Variants in TENM3 observed in about 807,000 individuals in gnomAD.
TENM3 encodes the protein teneurin transmembrane protein 3.
A neutral mutation model predicts 255.1 loss-of-function variants in TENM3; 63 were observed. The observed-to-expected ratio is 0.25, with a 90% CI of 0.20 to 0.30. The LOEUF is 0.30. Among genes scored for constraint, TENM3 ranks in the 10% least tolerant of loss-of-function variants. TENM3 has a pLI of 1.00. For missense variants in TENM3, 2,929 were observed against 3,461.1 expected (o/e 0.85, Z 3.86); for synonymous variants, 1,306 against 1,322.3 (o/e 0.99, Z 0.27).
intron 3 of TENM3, among the ~76,000 whole-genome samples, chr4:182,526,083 C>A (rs1739136078): frequency 6.6e-6 from 1 of 152,092 alleles, no homozygotes; most frequent in East Asian, 1.9e-4. Context: ...AGGTTCACGC[C>A]GTTCTCCTGC....
At chr4:181,821,518 C>G in the TENM3 span, 2 of 152,140 alleles carry the variant, frequency 1.3e-5, no homozygotes, top group African/African-American at 4.8e-5. Context: ...ATTTATAAGT[C>G]GAATGAATAC....
the TENM3 span, among the ~76,000 whole-genome samples, chr4:181,648,970 CCTT>C: frequency 6.6e-6 from 1 of 152,176 alleles, no homozygotes; most frequent in Non-Finnish European, 1.5e-5. Context: ...AATATGTCCT[CCTT>C]CATTTGTCAG....
At chr4:182,368,989 C>A (rs1382246333) in intron 3 of TENM3, among the ~76,000 whole-genome samples, 1 of 152,198 alleles carries the variant, frequency 6.6e-6, no homozygotes, top group African/African-American at 2.4e-5. Flanking sequence ...ATCGTTCCCT[C>A]ATGAAACACT....
the TENM3 span, among the ~76,000 whole-genome samples, chr4:182,066,760 A>C: frequency 6.6e-6 from 1 of 151,850 alleles, no homozygotes; most frequent in South Asian, 2.1e-4. Flanking sequence ...AATACAAAAA[A>C]ATTAGCCGGG....
chr4:182,598,043 G>T (rs1344216912), intron 3 of TENM3, among the ~76,000 whole-genome samples: 3 of 152,148 alleles, frequency 2.0e-5, no homozygotes, highest in Non-Finnish European at 2.9e-5. Flanking sequence ...AGCCAGTGAG[G>T]TGGCTCATGC....
At chr4:181,927,941 T>C in the TENM3 span, among the ~76,000 whole-genome samples, 1 of 152,130 alleles carries the variant, frequency 6.6e-6, no homozygotes, top group Non-Finnish European at 1.5e-5. Context: ...AGAGGCCTGA[T>C]TGTTACAAGG....
chr4:182,237,394 C>T (rs1454546124), intron 1 of TENM3, among the ~76,000 whole-genome samples: 1 of 112,116 alleles, frequency 8.9e-6, no homozygotes, highest in Non-Finnish European at 1.8e-5. Context: ...GAAACGGAGT[C>T]TCACTCTGTC....
At chr4:182,598,207 A>T (rs981698000) in intron 3 of TENM3, among the ~76,000 whole-genome samples, 8 of 152,198 alleles carry the variant, frequency 5.3e-5, no homozygotes, top group Admixed American at 1.3e-4. Flanking sequence ...AATTTTTTTT[A>T]AATTTCCGGC....
chr4:181,801,117 G>C, the TENM3 span, among the ~76,000 whole-genome samples: 2 of 152,150 alleles, frequency 1.3e-5, no homozygotes, highest in African/African-American at 4.8e-5. Context: ...CAATTATCAT[G>C]GTAGACAGGC....
the TENM3 span, among the ~76,000 whole-genome samples, chr4:181,625,501 T>C: frequency 7.3e-4 from 111 of 152,234 alleles, no homozygotes; most frequent in Non-Finnish European, 1.2e-3. Flanking sequence ...CAGTCTCTGA[T>C]TGTTTTCCTT....
At chr4:181,461,798 C>A in the TENM3 span, among the ~76,000 whole-genome samples, 1 of 152,112 alleles carries the variant, frequency 6.6e-6, no homozygotes, top group African/African-American at 2.4e-5. Context: ...TTTATAATAG[C>A]TGTTTTAATG....
At chr4:181,542,910 G>T in the TENM3 span, among the ~76,000 whole-genome samples, 18 of 152,122 alleles carry the variant, frequency 1.2e-4, no homozygotes, top group Non-Finnish European at 1.6e-4. Context: ...GCCCATCAAG[G>T]GTTCCCCCAT....
intron 24 of TENM3, among the ~76,000 whole-genome samples, chr4:182,776,150 C>T (rs1052072676): frequency 1.2e-4 from 18 of 152,282 alleles, no homozygotes; most frequent in South Asian, 2.1e-4. Context: ...TGGTGGTTCA[C>T]GCCTGTAATC....
At chr4:182,429,493 A>G (rs1281937291) in intron 3 of TENM3, among the ~76,000 whole-genome samples, 3 of 152,192 alleles carry the variant, frequency 2.0e-5, no homozygotes, top group Non-Finnish European at 4.4e-5. Context: ...TACTTATATC[A>G]CAGCTATATT....
chr4:182,328,464 C>A (rs28721469), intron 2 of TENM3, among the ~76,000 whole-genome samples: 1 of 152,130 alleles, frequency 6.6e-6, no homozygotes, highest in Non-Finnish European at 1.5e-5. Flanking sequence ...GATCCGCCCA[C>A]CTCGGCCTCC....
chr4:182,331,732 A>G (rs1403135322), intron 2 of TENM3, among the ~76,000 whole-genome samples: 2 of 152,222 alleles, frequency 1.3e-5, no homozygotes, highest in Non-Finnish European at 2.9e-5. Flanking sequence ...GAAAGATGGA[A>G]TTTATGATGA....
chr4:181,556,734 A>G, the TENM3 span, among the ~76,000 whole-genome samples: 1 of 152,114 alleles, frequency 6.6e-6, no homozygotes, highest in Non-Finnish European at 1.5e-5. Flanking sequence ...TTTTGGTAAA[A>G]TTCATCTGTT....
At chr4:182,552,229 A>G (rs1398776709) in intron 3 of TENM3, among the ~76,000 whole-genome samples, 1 of 152,062 alleles carries the variant, frequency 6.6e-6, no homozygotes, top group East Asian at 1.9e-4. Flanking sequence ...TGTGGCCAGG[A>G]GTTCAAGACT....
At chr4:181,690,818 G>A in the TENM3 span, among the ~76,000 whole-genome samples, 1 of 152,182 alleles carries the variant, frequency 6.6e-6, no homozygotes, top group East Asian at 1.9e-4. Flanking sequence ...AAATTATTCA[G>A]CAGTGGTATG....
Sources: allele counts gnomAD v4.1 joint callset (sites outside exome capture counted in the v4.1 genomes callset), GRCh38; gene constraint gnomAD v4.1.1; transcripts MANE v1.5; gene names NCBI Gene and HGNC (gene_info 2026-07-23, HGNC 2026-07-21).